CDH23: variants seen among roughly 807,000 people sequenced by gnomAD.
The protein encoded by CDH23 is cadherin related 23.
CDH23 carries 189 observed loss-of-function variants against 317.1 expected under a neutral mutation model. The observed-to-expected ratio is 0.60, with a 90% CI of 0.53 to 0.67. The LOEUF is 0.67. Among genes scored for constraint, CDH23 ranks in the 30% least tolerant of loss-of-function variants. CDH23 has a pLI of 0.00. For missense variants in CDH23, 4,401 were observed against 4,592.4 expected (o/e 0.96, Z 1.20); for synonymous variants, 1,839 against 1,876.8 (o/e 0.98, Z 0.52).
At chr10:71,420,893 G>C (rs1341797534) in intron 1 of CDH23, among the ~76,000 whole-genome samples, 1 of 152,082 alleles carries the variant, frequency 6.6e-6, no homozygotes, top group African/African-American at 2.4e-5. Flanking sequence ...CCCGTCGCCT[G>C]GCTATAGTAA....
At chr10:71,550,578 G>GA (rs751275817) in intron 6 of CDH23, among the ~76,000 whole-genome samples, 1 of 126,092 alleles carries the variant, frequency 7.9e-6, no homozygotes, top group Non-Finnish European at 1.6e-5. Flanking sequence ...AAAAAAAAAA[G>GA]AAAAAAGAAA....
intron 6 of CDH23, among the ~76,000 whole-genome samples, chr10:71,548,139 G>A (rs926975646): frequency 6.6e-6 from 1 of 152,220 alleles, no homozygotes; most frequent in Non-Finnish European, 1.5e-5. Context: ...CTGGGGCAGC[G>A]GGAGGGCTGG....
At chr10:71,526,627 T>TA (rs895540485) in intron 6 of CDH23, among the ~76,000 whole-genome samples, 3 of 152,010 alleles carry the variant, frequency 2.0e-5, no homozygotes, top group Non-Finnish European at 2.9e-5. Flanking sequence ...TCACAAATGA[T>TA]AAAAAATGGG....
intron 57 of CDH23, among the ~76,000 whole-genome samples, chr10:71,806,830 C>T (rs540772687): frequency 6.6e-6 from 1 of 152,274 alleles, no homozygotes; most frequent in African/African-American, 2.4e-5. Context: ...AATGCTGAGA[C>T]TACAGGCATA....
chr10:71,747,301 C>T (rs1196237034), intron 38 of CDH23, among the ~76,000 whole-genome samples: 1 of 152,200 alleles, frequency 6.6e-6, no homozygotes, highest in Non-Finnish European at 1.5e-5. Flanking sequence ...AAGGGAGTGG[C>T]AGGAGCTGAT....
rs146246671 is a variant in CDH23 at position 71,607,290 on chromosome 10, G to T, written c.833-8214G>T. Among the ~76,000 whole-genome samples, 99 of 152,344 alleles carry T rather than the reference G, an allele frequency of 6.5e-4. No homozygotes were observed. The East Asian group carries it at 9.3e-3, about 14-fold the overall frequency. Reference sequence around the variant, plus strand: ...GCAGGGAAGACAGGAAGGGCCAGGGGCCTCTGAATGGGACATGAACTCTTT... The same window carrying T: ...GCAGGGAAGACAGGAAGGGCCAGGGTCCTCTGAATGGGACATGAACTCTTT... On this transcript the variant is annotated intron_variant, in intron 9 of 69. Coordinates refer to ENST00000224721, the MANE Select transcript of CDH23 (RefSeq NM_022124.6).
intron 3 of CDH23, among the ~76,000 whole-genome samples, chr10:71,454,643 G>A (rs1244875485): frequency 6.6e-6 from 1 of 152,048 alleles, no homozygotes; most frequent in Non-Finnish European, 1.5e-5. Flanking sequence ...AAAGGGGCAG[G>A]GGATAGTGAC....
At chr10:71,755,364 T>C in intron 38 of CDH23, 2 of 1,606,952 alleles carry the variant, frequency 1.2e-6, no homozygotes, top group Admixed American at 1.7e-5. Context: ...CTCACGGCGG[T>C]TGGAGGCTGC....
At chr10:71,616,154 A>C (rs1861178993) in intron 10 of CDH23, among the ~76,000 whole-genome samples, 1 of 152,220 alleles carries the variant, frequency 6.6e-6, no homozygotes, top group East Asian at 1.9e-4. Context: ...TTTCAATTCA[A>C]ATCAGTGACT....
chr10:71,650,148 A>G (rs1863098944), intron 14 of CDH23, among the ~76,000 whole-genome samples: 1 of 152,230 alleles, frequency 6.6e-6, no homozygotes, highest in South Asian at 2.1e-4. Flanking sequence ...GGTGGCGCTC[A>G]AGACTTTTAG....
chr10:71,404,778 C>A (rs1230275072), intron 1 of CDH23, among the ~76,000 whole-genome samples: 1 of 152,234 alleles, frequency 6.6e-6, no homozygotes, highest in African/African-American at 2.4e-5. Flanking sequence ...GAGTTTTTTT[C>A]TAGCCTGTGT....
intron 6 of CDH23, among the ~76,000 whole-genome samples, chr10:71,558,263 G>C (rs1435546413): frequency 6.6e-6 from 1 of 152,184 alleles, no homozygotes; most frequent in African/African-American, 2.4e-5. Flanking sequence ...GCCTCCCAAA[G>C]TGCTGGGATT....
chr10:71,694,985 G>C (rs1013602042), intron 21 of CDH23, among the ~76,000 whole-genome samples: 2 of 152,194 alleles, frequency 1.3e-5, no homozygotes, highest in African/African-American at 4.8e-5. Flanking sequence ...TGTCAAGGGA[G>C]GCTCCTACTA....
In CDH23 at chr10:71,707,858, G is replaced by T. The variant is rs546647210; in HGVS notation, c.3106+809G>T. Among the ~76,000 whole-genome samples, 16 of 152,264 alleles carry T rather than the reference G, an allele frequency of 1.1e-4. No individual in the cohort carries two copies. In the South Asian group the frequency reaches 2.9e-3, roughly 28 times the overall value. On this transcript the variant is annotated intron_variant, in intron 26 of 69. Coordinates refer to ENST00000224721, the MANE Select transcript of CDH23 (RefSeq NM_022124.6). The stretch of plus-strand genomic sequence containing the variant: ...GTACACACGAGCAGGGCACACACCA[G>T]CCTTCCCAATGCCTCCCCATGAAGC...
rs550218418 is a variant in CDH23 at position 71,551,887 on chromosome 10, A to T, written c.430-14855A>T. 2.0e-3 allele frequency among the ~76,000 whole-genome samples: 302 copies of T among 152,206 alleles called. 1 individual carries two copies. The highest frequency in any genetic ancestry group is 6.9e-3 in the African/African-American group (287 of 41,536). On this transcript the variant is annotated intron_variant, in intron 6 of 69. Transcript: ENST00000224721. The stretch of plus-strand genomic sequence containing the variant: ...CCCCAGCAGGGACAGAGGCACCATC[A>T]TCCAGCCTTTAGAGCTCTCAGGACC...
chr10:71,708,971 G>A (rs891018070), intron 26 of CDH23, 127 bp from the exon 27 acceptor site: 17 of 846,390 alleles, frequency 2.0e-5, no homozygotes, highest in African/African-American at 1.3e-4. Flanking sequence ...AGGCAGGGCC[G>A]AATCAGCAGC....
intron 34 of CDH23, among the ~76,000 whole-genome samples, chr10:71,736,291 A>G (rs1021482655): frequency 6.6e-6 from 1 of 152,202 alleles, no homozygotes; most frequent in African/African-American, 2.4e-5. Context: ...GGTAGCCCCA[A>G]ACACTGTTTG....
chr10:71,712,484 A>G (rs1471445882), intron 27 of CDH23, 181 bp from the exon 28 acceptor site: 15 of 614,692 alleles, frequency 2.4e-5, no homozygotes, highest in Admixed American at 8.7e-5. Flanking sequence ...GTGTTATCTA[A>G]GTATTTGATA....
intron 11 of CDH23, among the ~76,000 whole-genome samples, chr10:71,638,492 T>C (rs1862380387): frequency 6.6e-6 from 1 of 152,162 alleles, no homozygotes; most frequent in Admixed American, 6.5e-5. Flanking sequence ...CCAGGCCACC[T>C]GCAGCGGAAT....
Sources: allele counts gnomAD v4.1 joint callset (sites outside exome capture counted in the v4.1 genomes callset), GRCh38; gene constraint gnomAD v4.1.1; transcripts MANE v1.5; gene names NCBI Gene and HGNC (gene_info 2026-07-23, HGNC 2026-07-21).